Variants in GUCY2F observed in about 807,000 individuals in gnomAD.
The protein encoded by GUCY2F is retinal guanylyl cyclase 2.
GUCY2F carries 61 observed loss-of-function variants against 73.1 expected under a neutral mutation model. The observed-to-expected ratio is 0.83, with a 90% CI of 0.68 to 1.03. The LOEUF is 1.03. Among genes scored for constraint, GUCY2F ranks in the 50% least tolerant of loss-of-function variants. The pLI, the probability that GUCY2F is intolerant of heterozygous loss-of-function variation, is 0.00. For synonymous variants in GUCY2F, 331 were observed against 307.8 expected (o/e 1.08, Z -0.79); for missense variants, 912 against 854.3 (o/e 1.07, Z -0.84).
chrX:109,478,998 A>G (rs923977794), intron 1 of GUCY2F, among the ~76,000 whole-genome samples: 2 of 111,983 alleles, frequency 1.8e-5, no homozygotes, highest in Non-Finnish European at 3.8e-5. Flanking sequence ...AGAATAAATT[A>G]GGTAGAGTTG....
chrX:109,460,841 A>G, intron 3 of GUCY2F, among the ~76,000 whole-genome samples: 1 of 112,151 alleles, frequency 8.9e-6, no homozygotes, highest in East Asian at 2.8e-4. Context: ...GGTATTTAAT[A>G]GGCTTTACTA....
rs1211403268 is a variant in GUCY2F at position 109,400,309 on chromosome X, G to C, written c.2126-1611C>G. On this transcript the variant is annotated intron_variant, in intron 10 of 19. Transcript: ENST00000218006. ...TGACAGGGCTAAGGATAGGCTCCCT[G>C]TGCCTTGAGAATGAGAGGGAGTTGG... is the stretch of plus-strand genomic sequence containing the variant. Among the ~76,000 whole-genome samples the C allele has an allele frequency of 2.7e-5, 3 of 111,017 alleles. No individual in the cohort carries two copies. In the East Asian group the frequency reaches 8.6e-4, roughly 32 times the overall value.
chrX:109,381,726 A>C (rs1000192779), intron 17 of GUCY2F, among the ~76,000 whole-genome samples: 3 of 112,275 alleles, frequency 2.7e-5, no homozygotes, highest in Non-Finnish European at 5.6e-5. Context: ...GAAAGTGAAT[A>C]GAAAATCCAA....
chrX:109,450,161 A>C (rs1406696020), intron 5 of GUCY2F, among the ~76,000 whole-genome samples: 1 of 110,936 alleles, frequency 9.0e-6, no homozygotes, highest in East Asian at 2.8e-4. Context: ...TTCTGTGACC[A>C]TTTGAAGTAC....
intron 10 of GUCY2F, among the ~76,000 whole-genome samples, chrX:109,402,643 T>C (rs1180416115): frequency 9.0e-6 from 1 of 111,488 alleles, no homozygotes; most frequent in African/African-American, 3.3e-5. Flanking sequence ...GGTATTGTGT[T>C]TTATAGAGAA....
intron 8 of GUCY2F, among the ~76,000 whole-genome samples, chrX:109,425,335 TTGTGTGTGTGTG>T (rs755304809): frequency 4.1e-5 from 4 of 98,207 alleles, no homozygotes; most frequent in South Asian, 9.2e-4. Context: ...AAAGAAATTG[TTGTGTGTGTGTG>T]TGTGTGTGTG....
intron 11 of GUCY2F, among the ~76,000 whole-genome samples, chrX:109,397,020 A>G (rs1286102254): frequency 1.8e-5 from 2 of 112,276 alleles, no homozygotes; most frequent in Non-Finnish European, 3.8e-5. Context: ...GTGGCAAACA[A>G]TATAAGTGCT....
chrX:109,416,383 G>T (rs1206807136), intron 8 of GUCY2F, among the ~76,000 whole-genome samples: 3 of 110,926 alleles, frequency 2.7e-5, no homozygotes, highest in Admixed American at 9.6e-5. Context: ...CAATTGGAAA[G>T]TATATAGCTG....
chrX:109,393,609 T>G (rs1176046286), intron 12 of GUCY2F, among the ~76,000 whole-genome samples: 1 of 111,740 alleles, frequency 8.9e-6, no homozygotes, highest in African/African-American at 3.3e-5. Context: ...AGTCCAAGAA[T>G]AGTGGTGTCC....
At chrX:109,376,358 C>A (rs755157441) in intron 17 of GUCY2F, among the ~76,000 whole-genome samples, 191 bp from the exon 18 acceptor site, 1 of 112,215 alleles carries the variant, frequency 8.9e-6, no homozygotes. Flanking sequence ...TGTCTACCGC[C>A]ACCATACAGC....
intron 7 of GUCY2F, among the ~76,000 whole-genome samples, chrX:109,436,877 T>C: frequency 1.9e-5 from 2 of 107,523 alleles, no homozygotes; most frequent in Middle Eastern, 4.8e-3. Context: ...ATGGCACATG[T>C]ATACATATGT....
At chrX:109,469,855 A>G (rs190412486) in intron 2 of GUCY2F, among the ~76,000 whole-genome samples, 1,650 of 111,237 alleles carry the variant, frequency 0.015, 11 homozygotes, top group Middle Eastern at 0.023. Flanking sequence ...CCCAACTGTG[A>G]CTCAGTGCAG....
rs1018368698 is a variant in GUCY2F at position 109,465,293 on chromosome X, G to A, written c.881C>T (p.Pro294Leu). The A allele has an allele frequency of 8.3e-7, 1 of 1,207,648 alleles. No individual in the cohort carries two copies. The highest frequency in any genetic ancestry group is 1.8e-5 in the African/African-American group (1 of 56,890). The change falls in exon 3 of 20, where the codon CCC becomes CTC. Residue 294 changes from proline (P) to leucine (L), a missense_variant. Transcript: ENST00000218006. ...LLYSLPYKHT[P>L]YRVLRNNPKL... is the part of the protein sequence containing the mutation. ...TGGGTTGTTCCTTAGGACCCGGTAG[G>A]GGGTGTGCTTATAAGGTAAACTGTA... is the stretch of plus-strand genomic sequence containing the variant.
intron 14 of GUCY2F, among the ~76,000 whole-genome samples, chrX:109,390,308 T>C (rs1247977347): frequency 3.6e-5 from 4 of 111,591 alleles, no homozygotes; most frequent in Non-Finnish European, 5.7e-5. Flanking sequence ...AAACTGAAAC[T>C]GAATCACTAA....
rs186283462 is a variant in GUCY2F at position 109,427,980 on chromosome X, T to C, written c.1791+2327A>G. ...GATTGATTGATATGAATATTATAGA[T>C]ACTAATTGAATAAAATAAAAATCCA... is the stretch of plus-strand genomic sequence containing the variant. On this transcript the variant is annotated intron_variant, in intron 8 of 19. Transcript: ENST00000218006. Among the ~76,000 whole-genome samples the C allele has an allele frequency of 4.5e-5, 5 of 112,281 alleles. No individual in the cohort carries two copies. In the Admixed American group the frequency reaches 4.7e-4, roughly 11 times the overall value.
intron 9 of GUCY2F, among the ~76,000 whole-genome samples, chrX:109,407,414 A>G (rs993516534): frequency 8.8e-6 from 1 of 113,218 alleles, no homozygotes; most frequent in Non-Finnish European, 1.9e-5. Flanking sequence ...AGAGCATAAC[A>G]GTTTAGAAAA....
In GUCY2F at chrX:109,475,968, G is replaced by A; in HGVS notation, c.-32C>T. On this transcript the variant is annotated 5_prime_UTR_variant, in exon 2 of 20. Coordinates refer to ENST00000218006, the MANE Select transcript of GUCY2F (RefSeq NM_001522.3). ...CCTGCTTCCAGCAAGCTAATGACGA[G>A]ATACTGGAGAGTTATTCTGCTTTCC... The A allele has an allele frequency of 8.7e-7, 1 of 1,153,366 alleles. No individual in the cohort carries two copies. Among genetic ancestry groups the A allele is most frequent in the East Asian group, 3.0e-5 (1 of 33,312 alleles).
intron 9 of GUCY2F, 94 bp from the exon 10 acceptor site, chrX:109,404,578 T>A: frequency 1.6e-6 from 1 of 620,129 alleles, no homozygotes; most frequent in Non-Finnish European, 2.6e-6. Context: ...CATGAGCTAT[T>A]ATGATCCAGA....
At position 109,441,501 on chromosome X, in the gene GUCY2F, A is replaced by G. The variant is rs1298721807; in HGVS notation, c.1570-19T>C. 3 of 1,125,483 alleles carry G rather than the reference A, an allele frequency of 2.7e-6. No individual in the cohort carries two copies. The highest frequency in any genetic ancestry group is 2.3e-5 in the South Asian group (1 of 42,932). 92.8% of individuals were successfully genotyped at this position (1,125,483 alleles called of 1,213,427 possible). On this transcript the variant is annotated intron_variant, in intron 6 of 19. Coordinates refer to ENST00000218006, the MANE Select transcript of GUCY2F (RefSeq NM_001522.3). Reference sequence around the variant, plus strand: ...TTCCTCTCTGTGAAAGGATTAGGAAAGAAAAGTTATGACCAAAATACTCAT... The same window carrying G: ...TTCCTCTCTGTGAAAGGATTAGGAAGGAAAAGTTATGACCAAAATACTCAT...
Sources: allele counts gnomAD v4.1 joint callset (sites outside exome capture counted in the v4.1 genomes callset), GRCh38; gene constraint gnomAD v4.1.1; transcripts MANE v1.5; gene names NCBI Gene and HGNC (gene_info 2026-07-23, HGNC 2026-07-21).